Variants in ASAP2 observed in about 807,000 individuals in gnomAD.
ASAP2 encodes the protein ArfGAP with SH3 domain, ankyrin repeat and PH domain 2.
A neutral mutation model predicts 131.4 loss-of-function variants in ASAP2; 45 were observed. The ratio of observed to expected loss-of-function variants is 0.34; its 90% confidence interval spans 0.27 to 0.44. ASAP2 has a LOEUF of 0.44. Among genes scored for constraint, ASAP2 ranks in the 20% least tolerant of loss-of-function variants. The pLI, the probability that ASAP2 is intolerant of heterozygous loss-of-function variation, is 1.00. For synonymous variants in ASAP2, 510 were observed against 503.0 expected (o/e 1.01, Z -0.19); for missense variants, 1,011 against 1,297.0 (o/e 0.78, Z 3.39).
At chr2:9,342,641 A>C (rs1159596958) in intron 9 of ASAP2, among the ~76,000 whole-genome samples, 1 of 152,274 alleles carries the variant, frequency 6.6e-6, no homozygotes, top group Non-Finnish European at 1.5e-5. Flanking sequence ...GTGACAAATG[A>C]AACAGTAGGT....
intron 3 of ASAP2, among the ~76,000 whole-genome samples, chr2:9,313,616 C>T (rs571509477): frequency 2.6e-5 from 4 of 152,372 alleles, no homozygotes; most frequent in African/African-American, 9.6e-5. Flanking sequence ...TTCTTTCTTG[C>T]ACGTGCCTTG....
intron 1 of ASAP2, among the ~76,000 whole-genome samples, chr2:9,211,647 C>T (rs1052144501): frequency 3.3e-5 from 5 of 152,236 alleles, no homozygotes; most frequent in African/African-American, 9.6e-5. Context: ...CTTGGCAATC[C>T]CATTGCTGTC....
At chr2:9,224,686 T>G (rs1429769858) in intron 1 of ASAP2, among the ~76,000 whole-genome samples, 2 of 152,352 alleles carry the variant, frequency 1.3e-5, no homozygotes, top group East Asian at 3.9e-4. Context: ...TCCCTAACAC[T>G]CCTCATTTAT....
intron 4 of ASAP2, among the ~76,000 whole-genome samples, chr2:9,319,282 G>C (rs1369913282): frequency 6.6e-6 from 1 of 152,232 alleles, no homozygotes; most frequent in Non-Finnish European, 1.5e-5. Context: ...CTTCTCGGGA[G>C]ACTCAAATTC....
Position 9,350,800 on chromosome 2 carries a change from T to C in ASAP2, c.1024-8T>C. On this transcript the variant is annotated splice_region_variant and splice_polypyrimidine_tract_variant and intron_variant, in intron 11 of 27. Transcript: ENST00000281419. ...CAACCTTTTTTGTTGTTTTTTGCTT[T>C]TAAACAGGCTAACCGGCCTCCTGCA... 6.2e-7 allele frequency: 1 copy of C among 1,610,900 alleles called. No homozygotes were observed. Among genetic ancestry groups the C allele is most frequent in the Non-Finnish European group, 8.5e-7 (1 of 1,178,222 alleles).
intron 3 of ASAP2, among the ~76,000 whole-genome samples, chr2:9,307,661 G>A (rs915817756): frequency 6.6e-6 from 1 of 152,188 alleles, no homozygotes; most frequent in Non-Finnish European, 1.5e-5. Context: ...TCTCCACTTA[G>A]AGCCTGAAAG....
rs1459124949 is a variant in ASAP2 at position 9,268,962 on chromosome 2, GC to G, written c.127-10354del. Among the ~76,000 whole-genome samples the G allele has an allele frequency of 6.6e-6, 1 of 152,108 alleles. No individual in the cohort carries two copies. The highest frequency in any genetic ancestry group is 1.5e-5 in the Non-Finnish European group (1 of 68,026). On this transcript the variant is annotated intron_variant, in intron 1 of 27. Transcript: ENST00000281419. This position sits in a 1 kb window ranked among gnomAD's most constrained non-coding sequence, Gnocchi z 4.1. ...CGGTGCTGTGCTGCCTGCAGTGTGG[GC>G]TCCCTGTCAGGGCTGGGAGGAGTGG...
chr2:9,358,937 G>T (rs1672898526), intron 15 of ASAP2, 48 bp downstream of exon 15: 1 of 1,564,226 alleles, frequency 6.4e-7, no homozygotes, highest in East Asian at 2.3e-5. Context: ...TGAGCTGTAA[G>T]CTAAATTTTA....
chr2:9,256,524 G>A (rs1324541748), intron 1 of ASAP2, among the ~76,000 whole-genome samples: 2 of 152,192 alleles, frequency 1.3e-5, no homozygotes, highest in Non-Finnish European at 2.9e-5. Context: ...GTTGTTAGTG[G>A]TAGAGAGTTG....
At chr2:9,262,188 T>C (rs933413548) in intron 1 of ASAP2, among the ~76,000 whole-genome samples, 4 of 151,968 alleles carry the variant, frequency 2.6e-5, no homozygotes, top group Non-Finnish European at 5.9e-5. Flanking sequence ...GAAAAAAAAA[T>C]GTATTAGTGG....
At chr2:9,216,617 C>T (rs982983706) in intron 1 of ASAP2, among the ~76,000 whole-genome samples, 2 of 151,974 alleles carry the variant, frequency 1.3e-5, no homozygotes, top group Non-Finnish European at 2.9e-5. Flanking sequence ...CCAACCACCA[C>T]ACCCAGCTAA....
At chr2:9,246,515 C>T (rs1415089674) in intron 1 of ASAP2, among the ~76,000 whole-genome samples, 1 of 152,142 alleles carries the variant, frequency 6.6e-6, no homozygotes, top group Non-Finnish European at 1.5e-5. Context: ...TGGTTTTGAA[C>T]TCCTGGGCTC....
intron 1 of ASAP2, among the ~76,000 whole-genome samples, chr2:9,275,282 C>G (rs993455941): frequency 6.6e-6 from 1 of 152,108 alleles, no homozygotes; most frequent in African/African-American, 2.4e-5. Flanking sequence ...GTTGGCCAGG[C>G]TGGTCTCAAG....
chr2:9,322,828 G>C (rs916888937), intron 5 of ASAP2, among the ~76,000 whole-genome samples: 1 of 152,180 alleles, frequency 6.6e-6, no homozygotes, highest in African/African-American at 2.4e-5. Context: ...GGAAGGCTCT[G>C]AATGCTGATG....
chr2:9,320,431 C>A (rs78078589), intron 5 of ASAP2, 94 bp downstream of exon 5: 21,940 of 931,496 alleles, frequency 0.024, 327 homozygotes, highest in Non-Finnish European at 0.029. Flanking sequence ...TCCAAATAAA[C>A]CTTAATCCAG....
Position 9,234,097 on chromosome 2 carries a change from C to T in ASAP2, c.126+26867C>T, listed in dbSNP as rs372516505. Among the ~76,000 whole-genome samples the T allele has an allele frequency of 2.5e-4, 31 of 122,958 alleles. No individual in the cohort carries two copies. The South Asian group carries it at 3.4e-3, about 13-fold the overall frequency. 80.7% of individuals were successfully genotyped at this position (122,958 alleles called of 152,430 possible). ...CTGCACTCCAGCCTGGGTGACAGAG[C>T]GAAGCTATGTCTCAAAAAAAAAAAA... On this transcript the variant is annotated intron_variant, in intron 1 of 27. Transcript: ENST00000281419.
chr2:9,358,713 CT>C, intron 14 of ASAP2, 42 bp from the exon 15 acceptor site: 2 of 1,594,874 alleles, frequency 1.3e-6, no homozygotes, highest in South Asian at 1.1e-5. Context: ...TCCTGACCCT[CT>C]TTTTTACTGG....
At position 9,207,316 on chromosome 2, in the gene ASAP2, ACTTT is replaced by A; in HGVS notation, c.126+91_126+94del. ...GCTCCCGCATCCGCATCCCGAGAAA[ACTTT>A]CTTTGCTCCGAAGCCGGACGCGGCC... On this transcript the variant is annotated intron_variant, in intron 1 of 27. Coordinates refer to ENST00000281419, the MANE Select transcript of ASAP2 (RefSeq NM_003887.3). The surrounding 1 kb of genome is among the most constrained non-coding windows in gnomAD (Gnocchi z 4.1). The A allele has an allele frequency of 7.0e-7, 1 of 1,426,396 alleles. No individual in the cohort carries two copies. Among genetic ancestry groups the A allele is most frequent in the Non-Finnish European group, 9.2e-7 (1 of 1,090,052 alleles). The allele number at this position is 1,426,396 out of a possible 1,614,324, so 88.4% of individuals were successfully genotyped here.
At position 9,368,576 on chromosome 2, in the gene ASAP2, C is replaced by T. The variant is rs76991702; in HGVS notation, c.1556+57C>T. On this transcript the variant is annotated intron_variant, in intron 16 of 27. Coordinates refer to ENST00000281419, the MANE Select transcript of ASAP2 (RefSeq NM_003887.3). ...GAGTAAAGGTTTGCCTTTGCCCGAG[C>T]CCCGGGAGGCAGGGGAATAAGAAGT... 743 of 1,478,058 alleles carry T rather than the reference C, an allele frequency of 5.0e-4. 2 individuals are homozygous for T. The African/African-American group carries it at 9.0e-3, about 18-fold the overall frequency. 91.6% of individuals were successfully genotyped at this position (1,478,058 alleles called of 1,614,324 possible). A position where few individuals can be genotyped will look rare whatever the true frequency, so the allele number is the denominator to read the frequency against.
Sources: gnomAD v4.1 joint callset for allele counts (sites outside exome capture counted in the v4.1 genomes callset) on GRCh38, gnomAD v4.1.1 for gene constraint, Gnocchi (gnomAD v3.1) non-coding constraint, MANE v1.5 for transcripts, NCBI Gene and HGNC (gene_info 2026-07-23, HGNC 2026-07-21) for gene names.